The following SPON1 variants were observed in gnomAD, a reference collection of about 807,000 sequenced individuals.
SPON1 encodes the protein spondin-1.
SPON1 carries 52 observed loss-of-function variants against 111.7 expected under a neutral mutation model. The observed-to-expected ratio is 0.47, with a 90% CI of 0.37 to 0.59. SPON1 has a LOEUF of 0.59. SPON1 is among the 20% of genes least tolerant of loss of function. The pLI is 0.00. For missense variants in SPON1, 957 were observed against 1,068.5 expected, an observed-to-expected ratio of 0.90 and a Z score of 1.46; for synonymous variants, 410 against 395.8, an observed-to-expected ratio of 1.04 and a Z score of -0.43.
intron 5 of SPON1, among the ~76,000 whole-genome samples, chr11:14,126,045 G>A (rs1451144320): frequency 2.0e-5 from 3 of 152,188 alleles, no homozygotes; most frequent in South Asian, 2.1e-4. Context: ...TAGGCAGAAG[G>A]CATTTCCTCT....
chr11:14,227,535 G>A (rs1289273568), intron 6 of SPON1, among the ~76,000 whole-genome samples: 4 of 152,172 alleles, frequency 2.6e-5, no homozygotes, highest in African/African-American at 7.2e-5. Context: ...AGGGATGGAT[G>A]CAGACCACTG....
At chr11:14,157,140 T>C (rs1438467137) in intron 6 of SPON1, among the ~76,000 whole-genome samples, 1 of 152,234 alleles carries the variant, frequency 6.6e-6, no homozygotes, top group Non-Finnish European at 1.5e-5. Flanking sequence ...TTTACCCATA[T>C]ATTTATTCTT....
At position 14,266,758 on chromosome 11, in the gene SPON1, A is replaced by G. The variant is rs1554942535; in HGVS notation, c.*1071A>G. 6.6e-6 allele frequency: 1 copy of G among 152,172 alleles called. No individual in the cohort carries two copies. Among genetic ancestry groups the G allele is most frequent in the South Asian group, 2.1e-4 (1 of 4,818 alleles). 9.4% of individuals were successfully genotyped at this position (152,172 alleles called of 1,614,324 possible). On this transcript the variant is annotated 3_prime_UTR_variant, in exon 16 of 16. Transcript: ENST00000576479. Reference sequence around the variant, plus strand: ...AGAGAAAAAGTTACCGAGACAGAAAACAAATCTAAGGGAAAGGAATATTAT... The same window carrying G: ...AGAGAAAAAGTTACCGAGACAGAAAGCAAATCTAAGGGAAAGGAATATTAT...
At chr11:13,969,169 C>G (rs1554908353) in intron 1 of SPON1, among the ~76,000 whole-genome samples, 1 of 139,600 alleles carries the variant, frequency 7.2e-6, no homozygotes, top group Non-Finnish European at 1.5e-5. Context: ...TGCTTAACCC[C>G]AGGAGTTCAA....
At chr11:14,236,071 G>C (rs782561682) in intron 6 of SPON1, among the ~76,000 whole-genome samples, 1 of 152,176 alleles carries the variant, frequency 6.6e-6, no homozygotes, top group Non-Finnish European at 1.5e-5. Context: ...GGTCCTGTCT[G>C]CTGTGAGATG....
At chr11:14,140,149 G>C (rs955081288) in intron 6 of SPON1, among the ~76,000 whole-genome samples, 4 of 152,168 alleles carry the variant, frequency 2.6e-5, no homozygotes, top group African/African-American at 9.7e-5. Flanking sequence ...TTTGGGCAGG[G>C]CCTTGTTGGG....
intron 1 of SPON1, among the ~76,000 whole-genome samples, chr11:13,964,448 AGGGTCACGCCGGAGACCAAAGCCAG>A (rs1265915176): frequency 1.3e-5 from 2 of 152,196 alleles, no homozygotes; most frequent in African/African-American, 2.4e-5. Flanking sequence ...AGCGGGCGCC[AGGGTCACGCCGGAGACCAAAGCCAG>A]GGGCCACCCT....
chr11:14,204,531 TC>T (rs2133898524), intron 6 of SPON1, among the ~76,000 whole-genome samples: 1 of 152,226 alleles, frequency 6.6e-6, no homozygotes, highest in East Asian at 1.9e-4. Context: ...CAAGTGATCC[TC>T]CCGCCTCAGC....
intron 5 of SPON1, among the ~76,000 whole-genome samples, chr11:14,080,289 C>T (rs1488210657): frequency 6.6e-6 from 1 of 151,368 alleles, no homozygotes. Context: ...AGTGCAGTGG[C>T]ACAATCTCGG....
intron 6 of SPON1, among the ~76,000 whole-genome samples, chr11:14,153,422 T>C (rs2133869409): frequency 6.6e-6 from 1 of 152,262 alleles, no homozygotes. Flanking sequence ...CAGCATGTCC[T>C]ATAAGGCTGG....
intron 6 of SPON1, among the ~76,000 whole-genome samples, chr11:14,234,416 G>A (rs1848839663): frequency 6.6e-6 from 1 of 152,184 alleles, no homozygotes. Flanking sequence ...TGGGAGGCAG[G>A]CATGCCCCAT....
intron 2 of SPON1, among the ~76,000 whole-genome samples, chr11:14,034,912 G>A (rs905396486): frequency 2.6e-5 from 4 of 152,216 alleles, no homozygotes; most frequent in African/African-American, 9.7e-5. Flanking sequence ...AAAGATTTAG[G>A]ATTAAAAATT....
intron 5 of SPON1, among the ~76,000 whole-genome samples, chr11:14,126,726 A>G (rs1390554798): frequency 7.2e-5 from 11 of 152,164 alleles, no homozygotes. Flanking sequence ...CCAGTGTTTC[A>G]CCAAAGACTC....
intron 2 of SPON1, among the ~76,000 whole-genome samples, chr11:13,999,113 A>G (rs1554912162): frequency 6.6e-6 from 1 of 152,160 alleles, no homozygotes; most frequent in African/African-American, 2.4e-5. Flanking sequence ...TAAAGAGTAA[A>G]TGGGTCATAG....
intron 6 of SPON1, among the ~76,000 whole-genome samples, chr11:14,199,419 T>C (rs1477167485): frequency 6.6e-6 from 1 of 151,800 alleles, no homozygotes; most frequent in South Asian, 2.1e-4. Flanking sequence ...CAAGACATAG[T>C]AGCTCTAAGT....
chr11:14,182,560 C>T (rs1245221126), intron 6 of SPON1, among the ~76,000 whole-genome samples: 1 of 152,166 alleles, frequency 6.6e-6, no homozygotes, highest in Non-Finnish European at 1.5e-5. Context: ...ACAGAGACCT[C>T]CCTTTTCTGA....
At chr11:14,242,893 G>A (rs2133918194) in intron 6 of SPON1, among the ~76,000 whole-genome samples, 1 of 152,362 alleles carries the variant, frequency 6.6e-6, no homozygotes, top group South Asian at 2.1e-4. Flanking sequence ...GCGTTGAGGG[G>A]ACAGTCCTCA....
intron 1 of SPON1, among the ~76,000 whole-genome samples, chr11:13,966,105 T>C (rs1165704192): frequency 6.6e-6 from 1 of 152,208 alleles, no homozygotes; most frequent in Admixed American, 6.5e-5. Context: ...CTGAATCCAG[T>C]TGAGATCATT....
chr11:14,160,472 T>TAA (rs1847904305), intron 6 of SPON1, among the ~76,000 whole-genome samples: 2 of 12,598 alleles, frequency 1.6e-4, no homozygotes. Flanking sequence ...TATATATTTA[T>TAA]ATATATATTT....
Sources: gnomAD v4.1 joint callset for allele counts (sites outside exome capture counted in the v4.1 genomes callset) on GRCh38, gnomAD v4.1.1 for gene constraint, MANE v1.5 for transcripts, NCBI Gene and HGNC (gene_info 2026-07-23, HGNC 2026-07-21) for gene names.